Variants in ZRANB3 observed in about 807,000 individuals in gnomAD.
The protein encoded by ZRANB3 is zinc finger RANBP2-type containing 3, also known as DNA annealing helicase and endonuclease ZRANB3.
A neutral mutation model predicts 133.8 loss-of-function variants in ZRANB3; 125 were observed. The ratio of observed to expected loss-of-function variants is 0.93; its 90% confidence interval spans 0.81 to 1.08. ZRANB3 has a LOEUF of 1.08. Ranked by LOEUF, ZRANB3 falls within the 50% of genes least tolerant of loss-of-function variation. The pLI is 0.00. For synonymous variants in ZRANB3, 387 were observed against 432.7 expected, an observed-to-expected ratio of 0.89 and a Z score of 1.31; for missense variants, 1,229 against 1,275.5, an observed-to-expected ratio of 0.96 and a Z score of 0.56.
At chr2:135,392,472 G>A (rs958359908) in intron 2 of ZRANB3, among the ~76,000 whole-genome samples, 6 of 151,742 alleles carry the variant, frequency 4.0e-5, no homozygotes, top group Admixed American at 2.0e-4. Context: ...AATCATGGCC[G>A]GGCACGGTGG....
intron 12 of ZRANB3, among the ~76,000 whole-genome samples, chr2:135,234,811 C>A (rs1374437840): frequency 2.6e-5 from 4 of 152,034 alleles, no homozygotes; most frequent in Admixed American, 6.6e-5. Context: ...AAATTTATAC[C>A]ACTAAATGCC....
chr2:135,213,937 T>C (rs1694203580), intron 17 of ZRANB3, among the ~76,000 whole-genome samples: 1 of 152,134 alleles, frequency 6.6e-6, no homozygotes, highest in Admixed American at 6.6e-5. Flanking sequence ...GTGGTCCATG[T>C]GCTAGGACCA....
chr2:135,407,142 A>G (rs984762847), intron 2 of ZRANB3, among the ~76,000 whole-genome samples: 1 of 152,170 alleles, frequency 6.6e-6, no homozygotes, highest in Non-Finnish European at 1.5e-5. Context: ...TACAAAATCA[A>G]TGTGCAAAAA....
rs1558908132 is a variant in ZRANB3 at position 135,312,177 on chromosome 2, ATTTTATTTTAT to A, written c.966+1301_966+1311del. Among the ~76,000 whole-genome samples, 813 of 135,792 alleles carry A rather than the reference ATTTTATTTTAT, an allele frequency of 6.0e-3. 13 individuals carry two copies. Among genetic ancestry groups the A allele is most frequent in the South Asian group, 0.037 (151 of 4,120 alleles). 89.1% of individuals were successfully genotyped at this position (135,792 alleles called of 152,430 possible). A position where few individuals can be genotyped will look rare whatever the true frequency, so the allele number is the denominator to read the frequency against. On this transcript the variant is annotated intron_variant, in intron 8 of 20. Coordinates refer to ENST00000264159, the MANE Select transcript of ZRANB3 (RefSeq NM_032143.4). ...TTTTATTTTTATTTTATTTTATTTT[ATTTTATTTTAT>A]TTTTATTTTATTTTATTTTATTTTA...
At chr2:135,468,746 A>G (rs1161449627) in intron 2 of ZRANB3, among the ~76,000 whole-genome samples, 1 of 152,230 alleles carries the variant, frequency 6.6e-6, no homozygotes, top group African/African-American at 2.4e-5. Context: ...GTTTTTGCCC[A>G]TAGAACTTAT....
At chr2:135,279,924 C>CT (rs566769394) in intron 8 of ZRANB3, among the ~76,000 whole-genome samples, 3 of 152,288 alleles carry the variant, frequency 2.0e-5, no homozygotes, top group African/African-American at 7.2e-5. Flanking sequence ...TTGGGATTCT[C>CT]TTAGGTTCTT....
rs1358088602 is a variant in ZRANB3 at position 135,197,337 on chromosome 2, A to G, written c.*3005T>C. 6.6e-6 allele frequency: 1 copy of G among 152,238 alleles called. No individual in the cohort carries two copies. The highest frequency in any genetic ancestry group is 1.5e-5 in the Non-Finnish European group (1 of 68,042). The allele number at this position is 152,238 out of a possible 1,614,324, so 9.4% of individuals were successfully genotyped here. ...GACTTTTTTGTCTGTCATATAATTT[A>G]AAATGCCTCATACTTTTATTTCTAA... On this transcript the variant is annotated 3_prime_UTR_variant, in exon 21 of 21. Coordinates refer to ENST00000264159, the MANE Select transcript of ZRANB3 (RefSeq NM_032143.4).
intron 12 of ZRANB3, among the ~76,000 whole-genome samples, chr2:135,243,915 C>T (rs1317496959): frequency 3.3e-5 from 5 of 151,702 alleles, no homozygotes; most frequent in South Asian, 4.2e-4. Context: ...CCACCATGCC[C>T]GGCCTTAAAT....
At chr2:135,489,105 T>C (rs568305006) in intron 2 of ZRANB3, among the ~76,000 whole-genome samples, 5 of 152,048 alleles carry the variant, frequency 3.3e-5, no homozygotes, top group Admixed American at 1.3e-4. Context: ...ATGTTTCTCA[T>C]TGAATGATGA....
intron 2 of ZRANB3, among the ~76,000 whole-genome samples, chr2:135,422,662 T>C (rs1472056554): frequency 1.3e-5 from 2 of 152,128 alleles, no homozygotes; most frequent in Non-Finnish European, 2.9e-5. Context: ...TTGTCACTGA[T>C]GAACCCCCAA....
chr2:135,403,096 G>A (rs1165415484), intron 2 of ZRANB3, among the ~76,000 whole-genome samples: 3 of 152,106 alleles, frequency 2.0e-5, no homozygotes, highest in Non-Finnish European at 4.4e-5. Flanking sequence ...GGGAGTGTCG[G>A]AAAGTGGGTG....
Position 135,504,498 on chromosome 2 carries a change from TA to T in ZRANB3, c.-7-3del. 6.3e-7 allele frequency: 1 copy of T among 1,599,884 alleles called. No homozygotes were observed. The highest frequency in any genetic ancestry group is 8.5e-7 in the Non-Finnish European group (1 of 1,175,178). Reference sequence around the variant, plus strand: ...TTATGAACCCTAGGCATGATGATCCTAAAAACAAAGAAACAACAAAAAAGGG... The same window carrying T: ...TTATGAACCCTAGGCATGATGATCCTAAAACAAAGAAACAACAAAAAAGGG... On this transcript the variant is annotated splice_region_variant and splice_polypyrimidine_tract_variant and intron_variant, in intron 1 of 20. Transcript: ENST00000264159.
chr2:135,382,119 T>A (rs1045747754), intron 3 of ZRANB3, among the ~76,000 whole-genome samples: 4 of 152,088 alleles, frequency 2.6e-5, no homozygotes, highest in Non-Finnish European at 5.9e-5. Flanking sequence ...AAGGGCTAAC[T>A]AGAATAACCA....
At chr2:135,249,087 GA>G (rs900059792) in intron 12 of ZRANB3, among the ~76,000 whole-genome samples, 4 of 152,116 alleles carry the variant, frequency 2.6e-5, no homozygotes, top group African/African-American at 9.7e-5. Context: ...ATTAAAAAGT[GA>G]AAAAAATAAC....
intron 3 of ZRANB3, among the ~76,000 whole-genome samples, chr2:135,380,602 T>C (rs1432308690): frequency 6.6e-6 from 1 of 152,182 alleles, no homozygotes; most frequent in Non-Finnish European, 1.5e-5. Context: ...ATAAAGATGT[T>C]ATTTGAAACC....
At chr2:135,460,983 CT>C (rs1485374327) in intron 2 of ZRANB3, among the ~76,000 whole-genome samples, 2 of 152,068 alleles carry the variant, frequency 1.3e-5, no homozygotes, top group Non-Finnish European at 2.9e-5. Flanking sequence ...ATATTAGTAA[CT>C]TTTTAGTAAT....
chr2:135,415,572 A>C (rs1688528751), intron 2 of ZRANB3, among the ~76,000 whole-genome samples: 1 of 152,222 alleles, frequency 6.6e-6, no homozygotes, highest in Non-Finnish European at 1.5e-5. Flanking sequence ...ATTCCAATCA[A>C]TAAAAAAAGA....
At chr2:135,393,740 G>T (rs1215535047) in intron 2 of ZRANB3, among the ~76,000 whole-genome samples, 1 of 152,104 alleles carries the variant, frequency 6.6e-6, no homozygotes, top group African/African-American at 2.4e-5. Flanking sequence ...TGTCCAGAAA[G>T]AAAGAACAAT....
intron 3 of ZRANB3, among the ~76,000 whole-genome samples, chr2:135,390,291 T>C (rs1439278812): frequency 6.6e-6 from 1 of 152,224 alleles, no homozygotes; most frequent in East Asian, 1.9e-4. Flanking sequence ...ACACAAAGAA[T>C]ATCATAGTTC....
Sources: allele counts gnomAD v4.1 joint callset (sites outside exome capture counted in the v4.1 genomes callset), GRCh38; gene constraint gnomAD v4.1.1; transcripts MANE v1.5; gene names NCBI Gene and HGNC (gene_info 2026-07-23, HGNC 2026-07-21).